The following AP3B2 variants were observed in gnomAD, a reference collection of about 807,000 sequenced individuals.
AP3B2 encodes adaptor related protein complex 3 subunit beta 2, also known as AP-3 complex subunit beta-2.
A neutral mutation model predicts 126.9 loss-of-function variants in AP3B2; 50 were observed. The ratio of observed to expected loss-of-function variants is 0.39; its 90% CI spans 0.31 to 0.50. The LOEUF is 0.50. Ranked by LOEUF, AP3B2 falls within the 20% of genes least tolerant of loss-of-function variation. The probability of loss-of-function intolerance (pLI) is 0.79; values close to 1 mark genes in which losing one functional copy is unlikely to be tolerated. For synonymous variants in AP3B2, 541 were observed against 565.0 expected, an observed-to-expected ratio of 0.96 and a Z score of 0.60; for missense variants, 1,177 against 1,426.4, an observed-to-expected ratio of 0.83 and a Z score of 2.82.
At chr15:82,684,355 G>A (rs1304110954) in intron 4 of AP3B2, among the ~76,000 whole-genome samples, 2 of 152,122 alleles carry the variant, frequency 1.3e-5, no homozygotes, top group Non-Finnish European at 2.9e-5. Context: ...TATGGAGATG[G>A]CTTCTGTACT....
At position 82,664,289 on chromosome 15, in the gene AP3B2, G is replaced by C; in HGVS notation, c.2261+78C>G. On this transcript the variant is annotated intron_variant, in intron 19 of 26. Transcript: ENST00000535359. This position sits in a 1 kb window ranked among gnomAD's most constrained non-coding sequence, Gnocchi z 4.5. Reference sequence around the variant, plus strand: ...GGGGCTCAGGGGCTCTTAGGAGACTGGCTAAAGCTCAATGCTAGCCCTCTT... The same window carrying C: ...GGGGCTCAGGGGCTCTTAGGAGACTCGCTAAAGCTCAATGCTAGCCCTCTT... 1 of 1,604,542 alleles carries C rather than the reference G, an allele frequency of 6.2e-7. No individual in the cohort carries two copies. Among genetic ancestry groups the C allele is most frequent in the Non-Finnish European group, 8.5e-7 (1 of 1,177,448 alleles).
intron 4 of AP3B2, among the ~76,000 whole-genome samples, chr15:82,683,047 GTTTTT>G (rs61213011): frequency 5.1e-5 from 4 of 77,714 alleles, no homozygotes; most frequent in Non-Finnish European, 7.6e-5. Context: ...TGCACCAGGA[GTTTTT>G]TTTTTTTTTT....
Position 82,709,642 on chromosome 15 carries a change from T to C in AP3B2, c.65A>G (p.Tyr22Cys). 10 of 1,521,450 alleles carry C rather than the reference T, an allele frequency of 6.6e-6. No homozygotes were observed. The highest frequency in any genetic ancestry group is 8.8e-6 in the Non-Finnish European group (10 of 1,137,618). The allele number at this position is 1,521,450 out of a possible 1,614,324, so 94.2% of individuals were successfully genotyped here. The change falls in exon 1 of 27, where the codon TAC becomes TGC. Residue 22 changes from tyrosine (Y) to cysteine (C), a missense_variant. This residue lies in a region of AP3B2 where 49 missense variants were observed against 39.3 expected (regional missense o/e 1.25). Transcript: ENST00000535359. ...GCCGCCGCTCGCGGGGTCGTGGCCG[T>C]ACTCGGGCTCCCCGGGGCCAGCGGA... ...GGSAGPGEPE[Y>C]GHDPASGGIF...
At chr15:82,699,463 C>A (rs903741932) in intron 1 of AP3B2, among the ~76,000 whole-genome samples, 1 of 152,186 alleles carries the variant, frequency 6.6e-6, no homozygotes, top group African/African-American at 2.4e-5. Context: ...ATACCCTCAG[C>A]CCCCATACGG....
chr15:82,687,158 T>A (rs1020127669), intron 4 of AP3B2: 1 of 152,238 alleles, frequency 6.6e-6, no homozygotes, highest in Non-Finnish European at 1.5e-5. Flanking sequence ...TCAGAAAAGA[T>A]GACCTGTTAG....
At chr15:82,707,142 C>G (rs2048809666) in intron 1 of AP3B2, among the ~76,000 whole-genome samples, 2 of 152,128 alleles carry the variant, frequency 1.3e-5, no homozygotes, top group Non-Finnish European at 2.9e-5. Context: ...CTTTACTGGT[C>G]AAATCACCCA....
chr15:82,695,742 G>C (rs1228906310), intron 1 of AP3B2, among the ~76,000 whole-genome samples: 1 of 152,156 alleles, frequency 6.6e-6, no homozygotes, highest in Non-Finnish European at 1.5e-5. Flanking sequence ...AAGGAGGGTG[G>C]CATGGGAACC....
intron 1 of AP3B2, among the ~76,000 whole-genome samples, chr15:82,704,151 A>T (rs1038296477): frequency 6.6e-6 from 1 of 152,200 alleles, no homozygotes; most frequent in Non-Finnish European, 1.5e-5. Context: ...TTCATCAAAT[A>T]TAAAAACCCA....
At position 82,662,313 on chromosome 15, in the gene AP3B2, A is replaced by G; in HGVS notation, c.2834-61T>C. ...GGCCACCATCACCTGATAGGTCTAG[A>G]ACCCAGCCTAGCCCTACTCTCCTCT... On this transcript the variant is annotated intron_variant, in intron 23 of 26. Transcript: ENST00000535359. 2.3e-6 allele frequency: 3 copies of G among 1,299,342 alleles called. No homozygotes were observed. The South Asian group carries it at 3.8e-5, about 17-fold the overall frequency. The allele number at this position is 1,299,342 out of a possible 1,614,324, so 80.5% of individuals were successfully genotyped here.
In AP3B2 at chr15:82,680,858, C is replaced by A; in HGVS notation, c.750G>T (p.Gln250His). Residue 250 changes from glutamine to histidine, a missense_variant, in exon 7 of 27, where the codon CAG (glutamine) becomes CAT (histidine). Physicochemically the swap from Gln to His is conservative, Grantham distance 24. This residue lies in a region of AP3B2 where 103 missense variants were observed against 101.4 expected (regional missense o/e 1.02). Coordinates refer to ENST00000535359, the MANE Select transcript of AP3B2 (RefSeq NM_001278512.2). This position sits in a 1 kb window ranked among gnomAD's most constrained non-coding sequence, Gnocchi z 6.1. ...ISMLTRYART[Q>H]FLSPTQNESL... ...TTACGTTCTGGGTGGGGCTCAGGAA[C>A]TGCGTGCGGGCGTAGCGGGTGAGCA... The A allele has an allele frequency of 6.2e-7, 1 of 1,613,836 alleles. No homozygotes were observed.
chr15:82,687,278 C>T (rs1268479325), intron 4 of AP3B2: 1 of 152,196 alleles, frequency 6.6e-6, no homozygotes, highest in African/African-American at 2.4e-5. Flanking sequence ...TTGTCAATGG[C>T]TGCATTTGCA....
At chr15:82,668,350 C>T (rs956672404) in intron 14 of AP3B2, among the ~76,000 whole-genome samples, 12 of 152,224 alleles carry the variant, frequency 7.9e-5, no homozygotes, top group African/African-American at 2.7e-4. Context: ...AATAAGATGC[C>T]ATCACAACAG....
At chr15:82,687,194 T>C (rs1286474893) in intron 4 of AP3B2, 1 of 152,218 alleles carries the variant, frequency 6.6e-6, no homozygotes, top group African/African-American at 2.4e-5. Context: ...AAGGCTGGCA[T>C]GCTACAGCCC....
At chr15:82,695,951 G>C (rs975642628) in intron 1 of AP3B2, among the ~76,000 whole-genome samples, 1 of 152,190 alleles carries the variant, frequency 6.6e-6, no homozygotes, top group African/African-American at 2.4e-5. Context: ...ACCCATTTTT[G>C]TGGCCAGAGG....
chr15:82,663,857 T>C lies in AP3B2; in HGVS notation c.2380A>G (p.Met794Val), dbSNP rs760393873. 6.2e-7 allele frequency: 1 copy of C among 1,613,782 alleles called. No homozygotes were observed. The highest frequency in any genetic ancestry group is 8.5e-7 in the Non-Finnish European group (1 of 1,179,866). Residue 794 changes from methionine (M) to valine (V), a missense_variant, in exon 20 of 27, where the codon ATG (methionine) becomes GTG (valine). Physicochemically the swap from Met to Val is conservative, Grantham distance 21 (BLOSUM62 1). This residue lies in a region of AP3B2 where 587 missense variants were observed against 571.3 expected (regional missense o/e 1.03). Transcript: ENST00000535359. ...DSSSSSSESE[M>V]TSESEEEQLE... ...TGCTCCTCCTCGGACTCCGATGTCA[T>C]CTCGGACTCTGATGAGCTACTGCTG... is the stretch of plus-strand genomic sequence containing the variant.
At chr15:82,698,090 C>A (rs1423543903) in intron 1 of AP3B2, 1 of 152,432 alleles carries the variant, frequency 6.6e-6, no homozygotes, top group African/African-American at 2.4e-5. Flanking sequence ...ATTGATACCA[C>A]CCACATATAC....
In AP3B2 at chr15:82,663,156, T is replaced by G; in HGVS notation, c.2575A>C (p.Thr859Pro). 1 of 1,611,982 alleles carries G rather than the reference T, an allele frequency of 6.2e-7. No homozygotes were observed. Among genetic ancestry groups the G allele is most frequent in the Non-Finnish European group, 8.5e-7 (1 of 1,179,578 alleles). ...GGTACCAGGGTGGAGTCTGTGAGTG[T>G]CAGGCCCTCCAGGTCAGCAGCCAGA... Reference protein sequence around the residue: ...TSLAADLEGLTLTDSTLVPSL... With the variant: ...TSLAADLEGLPLTDSTLVPSL... Residue 859 changes from threonine (T) to proline (P), a missense_variant, in exon 22 of 27, where the codon ACA (threonine) becomes CCA (proline). Transcript: ENST00000535359.
Position 82,680,612 on chromosome 15 carries a change from C to T in AP3B2, c.915G>A (p.Leu305=), listed in dbSNP as rs1446985023. The change falls in exon 8 of 27, where the codon CTG becomes CTA. Residue 305 remains leucine (L), a synonymous_variant. Transcript: ENST00000535359. The surrounding 1 kb of genome is among the most constrained non-coding windows in gnomAD (Gnocchi z 6.1). ...GCAGCAGGGGTTTGGTGTTGCGCAG[C>T]AGCAGCCGGTGGTCGGGGTCCATGA... ...PYVMDPDHRL[L]LRNTKPLLQS... 2 of 1,595,716 alleles carry T rather than the reference C, an allele frequency of 1.3e-6. No individual in the cohort carries two copies. The highest frequency in any genetic ancestry group is 1.1e-5 in the South Asian group (1 of 90,642).
rs199749431 is a variant in AP3B2, at chr15:82,661,901, G to A, written c.2940C>T (p.Tyr980=). The A allele has an allele frequency of 1.7e-4, 274 of 1,613,732 alleles. No homozygotes were observed. The highest frequency in any genetic ancestry group is 2.0e-4 in the Non-Finnish European group (239 of 1,179,846). ...FQLCTQTRQF[Y]VSIQPPVGEL... ...CCCCAACAGGTGGCTGAATGGAGAC[G>A]TAGAACTGTCGGGTCTGGGTGCTGG... Residue 980 remains tyrosine, a synonymous_variant, in exon 25 of 27, where the codon TAC becomes TAT. Transcript: ENST00000535359.
Sources: gnomAD v4.1 joint callset for allele counts (sites outside exome capture counted in the v4.1 genomes callset) on GRCh38, gnomAD v4.1.1 for gene constraint, gnomAD v4.1.1 regional missense constraint, Gnocchi (gnomAD v3.1) non-coding constraint, MANE v1.5 for transcripts, NCBI Gene and HGNC (gene_info 2026-07-23, HGNC 2026-07-21) for gene names.